Variants in IGSF10 observed in about 807,000 individuals in gnomAD.
The protein encoded by IGSF10 is immunoglobulin superfamily member 10.
A neutral mutation model predicts 128.2 loss-of-function variants in IGSF10; 126 were observed. The ratio of observed to expected loss-of-function variants is 0.98; its 90% confidence interval spans 0.85 to 1.14. IGSF10 has a LOEUF of 1.14. IGSF10 is among the 50% of genes most tolerant of loss of function. The probability of loss-of-function intolerance (pLI) is 0.00; values close to 1 mark genes in which losing one functional copy is unlikely to be tolerated. For missense variants in IGSF10, 3,295 were observed against 3,149.8 expected (o/e 1.05, Z -1.10); for synonymous variants, 1,185 against 1,146.2 (o/e 1.03, Z -0.68).
At chr3:151,494,077 TAAG>T in the IGSF10 span, among the ~76,000 whole-genome samples, 1 of 152,068 alleles carries the variant, frequency 6.6e-6, no homozygotes, top group Non-Finnish European at 1.5e-5. Context: ...GAAGAGAAAA[TAAG>T]AAACATTGAG....
chr3:151,451,200 T>C (rs1009399119), intron 5 of IGSF10, among the ~76,000 whole-genome samples: 3 of 151,232 alleles, frequency 2.0e-5, no homozygotes, highest in African/African-American at 7.3e-5. Context: ...CCATGCCCCA[T>C]TGGCTCTGGC....
the IGSF10 span, among the ~76,000 whole-genome samples, chr3:151,531,187 A>G: frequency 6.6e-6 from 1 of 152,234 alleles, no homozygotes; most frequent in Non-Finnish European, 1.5e-5. Context: ...AGATTCATAA[A>G]GCAAGTTCTG....
chr3:151,468,065 C>T, the IGSF10 span, among the ~76,000 whole-genome samples: 15 of 152,160 alleles, frequency 9.9e-5, no homozygotes, highest in Non-Finnish European at 1.6e-4. Context: ...GTTTGTGAAA[C>T]ATTCTGGGCT....
the IGSF10 span, among the ~76,000 whole-genome samples, chr3:151,483,598 T>C: frequency 1.3e-5 from 2 of 152,132 alleles, no homozygotes; most frequent in African/African-American, 4.8e-5. Context: ...TTTCTATATT[T>C]CTAACTGAGG....
At chr3:151,457,652 G>C (rs1245452489) in intron 3 of IGSF10, among the ~76,000 whole-genome samples, 1 of 152,080 alleles carries the variant, frequency 6.6e-6, no homozygotes, top group African/African-American at 2.4e-5. Flanking sequence ...AAAATCAGCA[G>C]GCTTTCTGTG....
At chr3:151,473,800 G>C in the IGSF10 span, among the ~76,000 whole-genome samples, 1 of 152,036 alleles carries the variant, frequency 6.6e-6, no homozygotes, top group Non-Finnish European at 1.5e-5. Flanking sequence ...CTCCTCGTTG[G>C]TTCAGATCTT....
At chr3:151,515,559 T>C in the IGSF10 span, among the ~76,000 whole-genome samples, 2 of 151,698 alleles carry the variant, frequency 1.3e-5, no homozygotes, top group Non-Finnish European at 1.5e-5. Flanking sequence ...ACATGGCACA[T>C]GTATACATAT....
the IGSF10 span, among the ~76,000 whole-genome samples, chr3:151,592,268 C>T: frequency 8.6e-5 from 13 of 151,588 alleles, no homozygotes; most frequent in South Asian, 2.1e-4. Context: ...CACATACAAA[C>T]GCACACACAC....
At chr3:151,614,941 A>G in the IGSF10 span, among the ~76,000 whole-genome samples, 11 of 151,966 alleles carry the variant, frequency 7.2e-5, no homozygotes, top group Admixed American at 2.0e-4. Flanking sequence ...GGTGATATCA[A>G]TGAAAATTGA....
the IGSF10 span, among the ~76,000 whole-genome samples, chr3:151,492,485 A>T: frequency 6.6e-6 from 1 of 152,208 alleles, no homozygotes; most frequent in African/African-American, 2.4e-5. Flanking sequence ...CCATAATCCC[A>T]GCACTTTGGG....
rs968159411 is a variant in IGSF10, at chr3:151,460,864, G to A, written c.-89+82C>T. On this transcript the variant is annotated intron_variant, in intron 1 of 7. Transcript: ENST00000282466. Reference sequence around the variant, plus strand: ...CCCAGCGCCCGCTTCTGCAGCCACGGTACTCGCTCCATTCCCACGCCAAGC... The same window carrying A: ...CCCAGCGCCCGCTTCTGCAGCCACGATACTCGCTCCATTCCCACGCCAAGC... 3.5e-5 allele frequency: 33 copies of A among 940,484 alleles called. No homozygotes were observed. In the East Asian group the frequency reaches 1.8e-3, roughly 50 times the overall value. The allele number at this position is 940,484 out of a possible 1,614,324, so 58.3% of individuals were successfully genotyped here. A position where few individuals can be genotyped will look rare whatever the true frequency, so the allele number is the denominator to read the frequency against.
chr3:151,467,140 C>T, the IGSF10 span, among the ~76,000 whole-genome samples: 1 of 152,194 alleles, frequency 6.6e-6, no homozygotes, highest in East Asian at 1.9e-4. Flanking sequence ...AAGGACATGA[C>T]AAAAGAGGGC....
intron 1 of IGSF10, 83 bp downstream of exon 1, chr3:151,460,863 G>A: frequency 4.9e-6 from 4 of 818,948 alleles, no homozygotes; most frequent in Non-Finnish European, 5.9e-6. Flanking sequence ...CTGCAGCCAC[G>A]GTACTCGCTC....
the IGSF10 span, among the ~76,000 whole-genome samples, chr3:151,487,509 C>T: frequency 6.6e-6 from 1 of 152,144 alleles, no homozygotes. Context: ...GATATCAAAA[C>T]CTGGCAGAGA....
Position 151,443,791 on chromosome 3 carries a change from C to G in IGSF10, c.5156G>C (p.Gly1719Ala), listed in dbSNP as rs147171532. The G allele has an allele frequency of 9.8e-5, 158 of 1,614,040 alleles. No individual in the cohort carries two copies. Among genetic ancestry groups the G allele is most frequent in the Non-Finnish European group, 1.3e-4 (156 of 1,180,030 alleles). ...ATTGGATGCGGAACACAAGTACTGT[C>G]CGCGGTCCTGAATTTCCACCCTCTG... ...SIQRVEIQDR[G>A]QYLCSASNLF... Residue 1719 changes from glycine (G) to alanine (A), a missense_variant, in exon 7 of 8, where the codon GGA (glycine) becomes GCA (alanine). Gly to Ala is a moderately conservative substitution (Grantham distance 60). Transcript: ENST00000282466.
chr3:151,583,649 A>G, the IGSF10 span, among the ~76,000 whole-genome samples: 1 of 152,218 alleles, frequency 6.6e-6, no homozygotes, highest in Admixed American at 6.5e-5. Context: ...TAGGTGCAGC[A>G]CACTAACATG....
chr3:151,618,679 G>A, the IGSF10 span, among the ~76,000 whole-genome samples: 95 of 149,654 alleles, frequency 6.3e-4, no homozygotes, highest in African/African-American at 2.2e-3. Flanking sequence ...ACAGTGAATC[G>A]AGATCACACC....
the IGSF10 span, among the ~76,000 whole-genome samples, chr3:151,612,628 G>C: frequency 6.6e-6 from 1 of 152,164 alleles, no homozygotes; most frequent in Non-Finnish European, 1.5e-5. Context: ...AATTAAAAGA[G>C]AGTGATTTCC....
chr3:151,524,487 T>C, the IGSF10 span, among the ~76,000 whole-genome samples: 1 of 152,172 alleles, frequency 6.6e-6, no homozygotes, highest in African/African-American at 2.4e-5. Flanking sequence ...GGAACATGGA[T>C]GAAGCTGGAG....
Sources: gnomAD v4.1 joint callset for allele counts (sites outside exome capture counted in the v4.1 genomes callset) on GRCh38, gnomAD v4.1.1 for gene constraint, MANE v1.5 for transcripts, NCBI Gene and HGNC (gene_info 2026-07-23, HGNC 2026-07-21) for gene names.